PARD3: variants seen among roughly 807,000 people sequenced by gnomAD.
The protein encoded by PARD3 is partitioning defective 3 homolog.
In PARD3, 75 loss-of-function variants were observed where a neutral mutation model predicts 155.4. The ratio of observed to expected loss-of-function variants is 0.48; its 90% CI spans 0.40 to 0.58. The LOEUF (loss-of-function observed/expected upper bound fraction) is 0.58. Among genes scored for constraint, PARD3 ranks in the 20% least tolerant of loss-of-function variants. The pLI, the probability that PARD3 is intolerant of heterozygous loss-of-function variation, is 0.00. For synonymous variants in PARD3, 576 were observed against 610.5 expected (o/e 0.94, Z 0.83); for missense variants, 1,642 against 1,721.7 (o/e 0.95, Z 0.82).
intron 1 of PARD3, among the ~76,000 whole-genome samples, chr10:34,711,124 C>T (rs948162700): frequency 6.6e-6 from 1 of 152,088 alleles, no homozygotes; most frequent in African/African-American, 2.4e-5. Context: ...AGCTGATGAA[C>T]TAAGATTGCA....
At chr10:34,770,363 G>A (rs1332945418) in intron 1 of PARD3, among the ~76,000 whole-genome samples, 3 of 152,166 alleles carry the variant, frequency 2.0e-5, no homozygotes, top group African/African-American at 4.8e-5. Context: ...ATTCTTAAAC[G>A]GAGATGACAC....
At chr10:34,356,713 T>C (rs980793213) in intron 14 of PARD3, among the ~76,000 whole-genome samples, 6 of 152,210 alleles carry the variant, frequency 3.9e-5, no homozygotes, top group Non-Finnish European at 5.9e-5. Flanking sequence ...AGGAGAAGGT[T>C]TTCCTAAGGT....
At chr10:34,642,118 G>T (rs1033573652) in intron 2 of PARD3, among the ~76,000 whole-genome samples, 2 of 151,638 alleles carry the variant, frequency 1.3e-5, no homozygotes, top group African/African-American at 4.8e-5. Context: ...GTCCACCCTG[G>T]GCCCATACCT....
At chr10:34,613,077 C>T (rs1469804866) in intron 2 of PARD3, among the ~76,000 whole-genome samples, 1 of 152,188 alleles carries the variant, frequency 6.6e-6, no homozygotes, top group Non-Finnish European at 1.5e-5. Flanking sequence ...TAAAGTCCAA[C>T]ATACAAAGTA....
chr10:34,524,750 C>A (rs1564808837), intron 2 of PARD3, among the ~76,000 whole-genome samples: 1 of 152,136 alleles, frequency 6.6e-6, no homozygotes, highest in Non-Finnish European at 1.5e-5. Flanking sequence ...CACAGTAAGA[C>A]AGAACAAAAT....
intron 1 of PARD3, among the ~76,000 whole-genome samples, chr10:34,771,542 G>A (rs773020288): frequency 7.2e-5 from 11 of 152,242 alleles, no homozygotes; most frequent in African/African-American, 1.4e-4. Flanking sequence ...TTTTAAAACA[G>A]AAAAGTTACA....
chr10:34,674,490 T>A (rs1418597268), intron 2 of PARD3, among the ~76,000 whole-genome samples: 2 of 147,392 alleles, frequency 1.4e-5, no homozygotes, highest in Non-Finnish European at 3.0e-5. Flanking sequence ...TTTTTTTTTT[T>A]TTTTTTTTTT....
At chr10:34,636,028 A>AAGAG (rs1288303559) in intron 2 of PARD3, among the ~76,000 whole-genome samples, 6 of 151,034 alleles carry the variant, frequency 4.0e-5, no homozygotes, top group South Asian at 4.2e-4. Flanking sequence ...TTAAAAAAAA[A>AAGAG]AGAAGAAGAA....
At chr10:34,617,736 G>A (rs1034719210) in intron 2 of PARD3, among the ~76,000 whole-genome samples, 1 of 152,212 alleles carries the variant, frequency 6.6e-6, no homozygotes, top group African/African-American at 2.4e-5. Flanking sequence ...GAAGGCAAGG[G>A]AGACATGAGT....
rs1400697195 is a variant in PARD3, at chr10:34,605,950, A to ATATATATATCTCC, written c.223-88792_223-88791insGGAGATATATATA. 9.5e-4 allele frequency among the ~76,000 whole-genome samples: 99 copies of ATATATATATCTCC among 104,756 alleles called. 28 individuals are homozygous for ATATATATATCTCC. Among genetic ancestry groups the ATATATATATCTCC allele is most frequent in the African/African-American group, 4.2e-3 (89 of 20,958 alleles). 68.7% of individuals were successfully genotyped at this position (104,756 alleles called of 152,430 possible). Reference sequence around the variant, plus strand: ...TATCTCCTATATATATATATCTCCTATATATATATATCTCCTATATCTATA... The same window carrying ATATATATATCTCC: ...TATCTCCTATATATATATATCTCCTATATATATATCTCCTATATATATATCTCCTATATCTATA... On this transcript the variant is annotated intron_variant, in intron 2 of 24. Coordinates refer to ENST00000374788, the MANE Select transcript of PARD3 (RefSeq NM_001184785.2).
At chr10:34,304,212 G>T (rs1957290239) in intron 20 of PARD3, among the ~76,000 whole-genome samples, 1 of 151,938 alleles carries the variant, frequency 6.6e-6, no homozygotes, top group African/African-American at 2.4e-5. Flanking sequence ...GAATTATTTT[G>T]GTGCCAGGCA....
intron 2 of PARD3, among the ~76,000 whole-genome samples, chr10:34,586,746 G>T (rs2088096552): frequency 1.3e-5 from 2 of 152,166 alleles, no homozygotes; most frequent in African/African-American, 4.8e-5. Context: ...TTAGGAGTTT[G>T]AGACCAGCCC....
chr10:34,129,072 C>T (rs542647627), intron 23 of PARD3, among the ~76,000 whole-genome samples: 1 of 152,358 alleles, frequency 6.6e-6, no homozygotes, highest in African/African-American at 2.4e-5. Flanking sequence ...AGGGGTTCTA[C>T]TTGCATCTGC....
At chr10:34,701,331 G>GGAT (rs35234066) in intron 1 of PARD3, among the ~76,000 whole-genome samples, 14,932 of 115,344 alleles carry the variant, frequency 0.13, 926 homozygotes, top group East Asian at 0.2. Flanking sequence ...ATACACGCGG[G>GGAT]GATGTTGTTG....
Position 34,382,631 on chromosome 10 carries a change from G to A in PARD3, c.1308C>T (p.Ala436=), listed in dbSNP as rs760680000. 6.2e-7 allele frequency: 1 copy of A among 1,613,990 alleles called. No homozygotes were observed. Among genetic ancestry groups the A allele is most frequent in the Non-Finnish European group, 8.5e-7 (1 of 1,180,042 alleles). Residue 436 remains alanine, a synonymous_variant, in exon 9 of 25, where the codon GCC becomes GCT. Coordinates refer to ENST00000374788, the MANE Select transcript of PARD3 (RefSeq NM_001184785.2). ...TACTAAATACATTCTGAGGTGCCGA[G>A]GCTGGAGCGGATGGTGGTTTTCCCG... is the stretch of plus-strand genomic sequence containing the variant. The part of the protein sequence containing the change: ...HPSGKPPSAP[A]SAPQNVFSTT...
intron 22 of PARD3, among the ~76,000 whole-genome samples, chr10:34,227,799 T>A (rs1178327452): frequency 3.5e-5 from 5 of 144,178 alleles, no homozygotes; most frequent in East Asian, 2.0e-4. Flanking sequence ...ACCATTCAAC[T>A]CAGCAATCCC....
At chr10:34,634,852 A>C (rs1446675118) in intron 2 of PARD3, among the ~76,000 whole-genome samples, 1 of 152,206 alleles carries the variant, frequency 6.6e-6, no homozygotes, top group Non-Finnish European at 1.5e-5. Context: ...TGCTGGGAAC[A>C]AAAGGCATCA....
intron 1 of PARD3, among the ~76,000 whole-genome samples, chr10:34,814,487 G>T (rs1226452926): frequency 1.3e-5 from 2 of 152,154 alleles, no homozygotes; most frequent in Non-Finnish European, 2.9e-5. Flanking sequence ...TGGGAGCCGG[G>T]AAAGGCCTGG....
At chr10:34,143,090 G>A (rs990965158) in intron 22 of PARD3, among the ~76,000 whole-genome samples, 1 of 152,166 alleles carries the variant, frequency 6.6e-6, no homozygotes, top group Non-Finnish European at 1.5e-5. Flanking sequence ...GGGAGGTCAA[G>A]GCAGGTGGAT....
Sources: allele counts gnomAD v4.1 joint callset (sites outside exome capture counted in the v4.1 genomes callset), GRCh38; gene constraint gnomAD v4.1.1; transcripts MANE v1.5; gene names NCBI Gene and HGNC (gene_info 2026-07-23, HGNC 2026-07-21).